Variants in FNDC7 observed in about 807,000 individuals in gnomAD.
The protein encoded by FNDC7 is fibronectin type III domain-containing protein 7.
Under a neutral mutation model 74.2 loss-of-function variants are expected in FNDC7, and 66 were observed. The ratio of observed to expected loss-of-function variants is 0.89; its 90% CI spans 0.73 to 1.09. The LOEUF (loss-of-function observed/expected upper bound fraction) is 1.09, where lower values mean the gene tolerates loss of function less well. Ranked by LOEUF, FNDC7 falls within the 50% of genes least tolerant of loss-of-function variation. The pLI is 0.00. For synonymous variants in FNDC7, 307 were observed against 330.2 expected (o/e 0.93, Z 0.76); for missense variants, 829 against 893.4 (o/e 0.93, Z 0.92).
intron 10 of FNDC7, among the ~76,000 whole-genome samples, chr1:108,736,789 T>A (rs1324209139): frequency 6.6e-6 from 1 of 152,132 alleles, no homozygotes; most frequent in Non-Finnish European, 1.5e-5. Context: ...ATTTGGGAGA[T>A]GTTTTTTGGT....
At chr1:108,732,090 T>A (rs151186211) in intron 9 of FNDC7, among the ~76,000 whole-genome samples, 1,555 of 152,274 alleles carry the variant, frequency 0.01, 24 homozygotes, top group African/African-American at 0.036. Context: ...CCTGGCGCGG[T>A]GGCTCATGCC....
chr1:108,726,985 G>C (rs1661233276), intron 6 of FNDC7, among the ~76,000 whole-genome samples: 1 of 152,112 alleles, frequency 6.6e-6, no homozygotes, highest in Non-Finnish European at 1.5e-5. Flanking sequence ...GAAACTCCAA[G>C]CTGAGTCAGA....
At chr1:108,715,557 A>C (rs1660952658) in intron 2 of FNDC7, among the ~76,000 whole-genome samples, 1 of 152,152 alleles carries the variant, frequency 6.6e-6, no homozygotes, top group African/African-American at 2.4e-5. Context: ...TACTCCTCAG[A>C]ATCCCACTTT....
At chr1:108,716,320 G>GGGGTGTGTGT (rs1388240203) in intron 2 of FNDC7, among the ~76,000 whole-genome samples, 1 of 95,694 alleles carries the variant, frequency 1.0e-5, no homozygotes, top group Non-Finnish European at 2.2e-5. Flanking sequence ...GCAGAAGAGA[G>GGGGTGTGTGT]GTGTGTGTGT....
chr1:108,721,643 T>A (rs1661094777), intron 4 of FNDC7, among the ~76,000 whole-genome samples: 1 of 152,178 alleles, frequency 6.6e-6, no homozygotes, highest in Non-Finnish European at 1.5e-5. Context: ...CAGGACACCT[T>A]CTTACGCTTT....
At position 108,733,381 on chromosome 1, in the gene FNDC7, C is replaced by T. The variant is rs1304053977; in HGVS notation, c.1989C>T (p.Gly663=). The T allele has an allele frequency of 6.2e-6, 10 of 1,614,160 alleles. No individual in the cohort carries two copies. The highest frequency in any genetic ancestry group is 6.8e-6 in the Non-Finnish European group (8 of 1,180,028). ...GSANYSTDLY[G]SKGIFTCTPS... is the part of the protein sequence containing the mutation. ...CCAATTACAGCACTGACCTCTATGGCTCCAAAGGCATTTTCACGTGCACCC... is the reference window on the plus strand; with the variant it reads ...CCAATTACAGCACTGACCTCTATGGTTCCAAAGGCATTTTCACGTGCACCC... The change falls in exon 10 of 13, where the codon GGC becomes GGT. Residue 663 remains glycine, a synonymous_variant. Coordinates refer to ENST00000370017, the MANE Select transcript of FNDC7 (RefSeq NM_001144937.3).
At chr1:108,717,303 C>A (rs1404704239) in intron 2 of FNDC7, among the ~76,000 whole-genome samples, 1 of 152,098 alleles carries the variant, frequency 6.6e-6, no homozygotes, top group Admixed American at 6.5e-5. Context: ...AGCCACTGAG[C>A]GGAGGCAGGA....
At chr1:108,733,185 T>G in intron 9 of FNDC7, 87 bp from the exon 10 acceptor site, 1 of 1,515,788 alleles carries the variant, frequency 6.6e-7, no homozygotes, top group Non-Finnish European at 9.0e-7. Context: ...AGTTTGCTTA[T>G]ATTTTTTCCC....
intron 2 of FNDC7, among the ~76,000 whole-genome samples, chr1:108,715,246 T>C (rs1269631658): frequency 6.6e-6 from 1 of 152,214 alleles, no homozygotes; most frequent in Non-Finnish European, 1.5e-5. Flanking sequence ...CTCTTTGAGC[T>C]GGTGGAATGC....
intron 11 of FNDC7, among the ~76,000 whole-genome samples, chr1:108,738,651 C>G (rs1158619570): frequency 6.6e-6 from 1 of 150,992 alleles, no homozygotes; most frequent in African/African-American, 2.4e-5. Context: ...GGGGCTGGCT[C>G]CCCACCCACA....
At chr1:108,737,783 G>A (rs1411262621) in intron 11 of FNDC7, among the ~76,000 whole-genome samples, 1 of 152,112 alleles carries the variant, frequency 6.6e-6, no homozygotes, top group African/African-American at 2.4e-5. Flanking sequence ...AATAGTTTTG[G>A]GAGGGGCAGC....
intron 6 of FNDC7, among the ~76,000 whole-genome samples, chr1:108,727,126 A>G (rs1661237211): frequency 6.6e-6 from 1 of 152,130 alleles, no homozygotes; most frequent in South Asian, 2.1e-4. Context: ...AGGAGTTGAG[A>G]CCAGCCTGGG....
chr1:108,729,518 C>T (rs1661296903), intron 8 of FNDC7, among the ~76,000 whole-genome samples: 1 of 150,326 alleles, frequency 6.7e-6, no homozygotes, highest in African/African-American at 2.5e-5. Context: ...CACTGCACTT[C>T]AGCCTGGGCA....
Position 108,722,462 on chromosome 1 carries a change from G to C in FNDC7, c.726G>C (p.Leu242=), listed in dbSNP as rs1266334666. 6.2e-7 allele frequency: 1 copy of C among 1,614,218 alleles called. No individual in the cohort carries two copies. Among genetic ancestry groups the C allele is most frequent in the Non-Finnish European group, 8.5e-7 (1 of 1,180,038 alleles). The change falls in exon 5 of 13, where the codon CTG becomes CTC. Residue 242 remains leucine (L), a synonymous_variant. Coordinates refer to ENST00000370017, the MANE Select transcript of FNDC7 (RefSeq NM_001144937.3). The part of the protein sequence containing the change: ...TVMALSDSSE[L]TCSTTFSSCT... The stretch of plus-strand genomic sequence containing the variant: ...TGGCTTTGAGCGACTCTTCAGAGCT[G>C]ACCTGCAGTACAACTTTCAGTTCCT...
At position 108,718,872 on chromosome 1, in the gene FNDC7, G is replaced by A. The variant is rs1348298484; in HGVS notation, c.421G>A (p.Ala141Thr). 6.4e-7 allele frequency: 1 copy of A among 1,551,566 alleles called. No homozygotes were observed. The highest frequency in any genetic ancestry group is 8.7e-7 in the Non-Finnish European group (1 of 1,147,000). Reference protein sequence around the residue: ...VQWEAVYMAIAFSVSIMRANG... With the variant: ...VQWEAVYMAITFSVSIMRANG... Reference sequence around the variant, plus strand: ...GTGGGAAGCTGTATATATGGCAATTGCATTCTCCGTGTCCATTATGCGAGC... The same window carrying A: ...GTGGGAAGCTGTATATATGGCAATTACATTCTCCGTGTCCATTATGCGAGC... The change falls in exon 4 of 13, where the codon GCA becomes ACA. Residue 141 changes from alanine to threonine, a missense_variant. Physicochemically the swap from Ala to Thr is moderately conservative, Grantham distance 58. Transcript: ENST00000370017.
At chr1:108,728,155 A>G in intron 7 of FNDC7, 90 bp downstream of exon 7, 1 of 1,470,632 alleles carries the variant, frequency 6.8e-7, no homozygotes, top group Admixed American at 1.8e-5. Context: ...AGACCAATAA[A>G]AAGGTTAAAT....
At chr1:108,726,511 A>G (rs967639159) in intron 6 of FNDC7, among the ~76,000 whole-genome samples, 3 of 152,144 alleles carry the variant, frequency 2.0e-5, no homozygotes, top group African/African-American at 4.8e-5. Flanking sequence ...TCCACTGCAA[A>G]ATGGGACAAA....
chr1:108,731,676 A>T (rs2990874), intron 9 of FNDC7, among the ~76,000 whole-genome samples: 118,921 of 152,206 alleles, frequency 0.78, 47,832 homozygotes, highest in African/African-American at 0.88. Flanking sequence ...CATGGATTCT[A>T]ATAAGCTGTG....
Position 108,722,341 on chromosome 1 carries a change from G to C in FNDC7, c.605G>C (p.Arg202Pro). Residue 202 changes from arginine (R) to proline (P), a missense_variant, in exon 5 of 13, where the codon CGG (arginine) becomes CCG (proline). Physicochemically the swap from Arg to Pro is moderately radical, Grantham distance 103. Transcript: ENST00000370017. The stretch of plus-strand genomic sequence containing the variant: ...TTGTTTCTCTAAAATGTAGGTCCTC[G>C]GGCCCCTGCCAACATTCAAGTCTCT... Reference protein sequence around the residue: ...DSTCNQRTSPRAPANIQVSFD... With the variant: ...DSTCNQRTSPPAPANIQVSFD... 1 of 1,603,538 alleles carries C rather than the reference G, an allele frequency of 6.2e-7. No homozygotes were observed. The highest frequency in any genetic ancestry group is 8.5e-7 in the Non-Finnish European group (1 of 1,174,234).
Sources: gnomAD v4.1 joint callset for allele counts (sites outside exome capture counted in the v4.1 genomes callset) on GRCh38, gnomAD v4.1.1 for gene constraint, MANE v1.5 for transcripts, NCBI Gene and HGNC (gene_info 2026-07-23, HGNC 2026-07-21) for gene names.